The following SHANK2 variants were observed in gnomAD, a reference collection of about 807,000 sequenced individuals.
SHANK2 encodes SH3 and multiple ankyrin repeat domains protein 2.
In SHANK2, 43 loss-of-function variants were observed where a neutral mutation model predicts 133.7. That is an observed-to-expected ratio of 0.32 (90% CI 0.25 to 0.41). SHANK2 has a LOEUF of 0.41. SHANK2 is among the 10% of genes least tolerant of loss of function. The probability of loss-of-function intolerance (pLI) is 1.00; values close to 1 mark genes in which losing one functional copy is unlikely to be tolerated. For synonymous variants in SHANK2, 1,017 were observed against 952.8 expected (o/e 1.07, Z -1.24); for missense variants, 1,994 against 2,235.8 (o/e 0.89, Z 2.18).
At chr11:70,832,594 G>A (rs576415042) in intron 11 of SHANK2, among the ~76,000 whole-genome samples, 23 of 152,328 alleles carry the variant, frequency 1.5e-4, no homozygotes, top group African/African-American at 5.5e-4. Flanking sequence ...TAACAGAGGG[G>A]GTGAGTCCTA....
At chr11:70,926,047 T>G (rs1590840205) in intron 10 of SHANK2, among the ~76,000 whole-genome samples, 1 of 151,926 alleles carries the variant, frequency 6.6e-6, no homozygotes, top group African/African-American at 2.4e-5. Context: ...TTGAGGCAGG[T>G]GGATTGCTTG....
intron 11 of SHANK2, among the ~76,000 whole-genome samples, chr11:70,836,441 C>T (rs937962600): frequency 1.3e-5 from 2 of 152,202 alleles, no homozygotes; most frequent in Non-Finnish European, 2.9e-5. Context: ...TGCAAGTCAA[C>T]GTTTACAAAG....
At chr11:71,251,748 G>A (rs113761288) in intron 1 of SHANK2, among the ~76,000 whole-genome samples, 48,697 of 150,502 alleles carry the variant, frequency 0.32, 8,046 homozygotes, top group East Asian at 0.44. Flanking sequence ...CGCGACCCCC[G>A]GGACCTGGGC....
At chr11:71,199,706 G>C (rs112008846) in intron 2 of SHANK2, among the ~76,000 whole-genome samples, 1 of 152,174 alleles carries the variant, frequency 6.6e-6, no homozygotes, top group Non-Finnish European at 1.5e-5. Flanking sequence ...GTCAGGAACC[G>C]TGGAAGGAAA....
chr11:70,809,987 G>A (rs577348045), intron 12 of SHANK2, among the ~76,000 whole-genome samples: 9 of 152,310 alleles, frequency 5.9e-5, no homozygotes, highest in African/African-American at 1.4e-4. Context: ...GGAGCCCACC[G>A]GGCACGGTGT....
intron 17 of SHANK2, among the ~76,000 whole-genome samples, chr11:70,580,356 G>C (rs2060167999): frequency 1.3e-5 from 2 of 152,236 alleles, no homozygotes; most frequent in Non-Finnish European, 2.9e-5. Context: ...AATGGCCCCA[G>C]TGTCCAGGGG....
At chr11:70,878,405 A>T (rs1456859961) in intron 11 of SHANK2, among the ~76,000 whole-genome samples, 3 of 152,234 alleles carry the variant, frequency 2.0e-5, no homozygotes, top group Non-Finnish European at 4.4e-5. Flanking sequence ...CATACAGGGC[A>T]TCATCACACG....
chr11:70,817,745 C>G (rs1157840471), intron 12 of SHANK2, among the ~76,000 whole-genome samples: 1 of 152,130 alleles, frequency 6.6e-6, no homozygotes, highest in African/African-American at 2.4e-5. Context: ...TTTCTGGGAC[C>G]CTTTTTTGAG....
intron 3 of SHANK2, among the ~76,000 whole-genome samples, chr11:71,127,168 A>C (rs1435759254): frequency 6.6e-6 from 1 of 152,210 alleles, no homozygotes; most frequent in Non-Finnish European, 1.5e-5. Context: ...AGTGGGGCTG[A>C]CGATGGGACT....
chr11:70,476,106 G>A (rs1042404182), intron 25 of SHANK2, among the ~76,000 whole-genome samples: 4 of 152,036 alleles, frequency 2.6e-5, no homozygotes, highest in Admixed American at 2.0e-4. Flanking sequence ...GTGGGCGCCT[G>A]TAATCCCAGC....
chr11:71,061,642 C>A (rs1326767920), intron 9 of SHANK2, among the ~76,000 whole-genome samples: 4 of 152,202 alleles, frequency 2.6e-5, no homozygotes, highest in African/African-American at 9.6e-5. Context: ...CCCTGATCCC[C>A]AGGAGAGGGG....
chr11:70,550,855 G>A (rs1261384007), intron 17 of SHANK2, among the ~76,000 whole-genome samples: 1 of 152,210 alleles, frequency 6.6e-6, no homozygotes, highest in Non-Finnish European at 1.5e-5. Context: ...CAGCCTCAGG[G>A]CCTCCATGGA....
chr11:71,154,109 C>T (rs1473480751), intron 2 of SHANK2, among the ~76,000 whole-genome samples: 3 of 152,244 alleles, frequency 2.0e-5, no homozygotes, highest in South Asian at 2.1e-4. Context: ...ACATGGAAAC[C>T]GAGATTTTGT....
intron 10 of SHANK2, among the ~76,000 whole-genome samples, chr11:70,920,059 G>A (rs943987641): frequency 6.6e-5 from 10 of 152,156 alleles, no homozygotes; most frequent in Non-Finnish European, 1.5e-4. Context: ...TAACATCTCT[G>A]AGCCTCAGTG....
At chr11:70,844,249 A>C (rs1391211750) in intron 11 of SHANK2, among the ~76,000 whole-genome samples, 1 of 152,182 alleles carries the variant, frequency 6.6e-6, no homozygotes, top group Non-Finnish European at 1.5e-5. Context: ...AATCTAATGA[A>C]TGCCCCATTT....
intron 17 of SHANK2, among the ~76,000 whole-genome samples, chr11:70,526,768 C>A (rs1216707822): frequency 6.6e-6 from 1 of 152,096 alleles, no homozygotes; most frequent in Non-Finnish European, 1.5e-5. Context: ...ACTCCTCCCC[C>A]TCCCCTACTC....
At position 70,626,299 on chromosome 11, in the gene SHANK2, A is replaced by T. The variant is rs115291686; in HGVS notation, c.2061+33529T>A. Among the ~76,000 whole-genome samples, 515 of 152,312 alleles carry T rather than the reference A, an allele frequency of 3.4e-3. 1 individual carries two copies. Among genetic ancestry groups the T allele is most frequent in the African/African-American group, 0.012 (481 of 41,562 alleles). ...ACTTAGCATGCACTCTATATTTAGGAACGGTTATGAAACAAACATATCACC... is the reference window on the plus strand; with the variant it reads ...ACTTAGCATGCACTCTATATTTAGGTACGGTTATGAAACAAACATATCACC... On this transcript the variant is annotated intron_variant, in intron 17 of 25. Coordinates refer to ENST00000601538, the MANE Select transcript of SHANK2 (RefSeq NM_012309.5).
chr11:70,627,990 C>T lies in SHANK2; in HGVS notation c.2061+31838G>A, dbSNP rs374457253. On this transcript the variant is annotated intron_variant, in intron 17 of 25. Coordinates refer to ENST00000601538, the MANE Select transcript of SHANK2 (RefSeq NM_012309.5). ...TTTGTTTTTTTTTGAAACAGAGTCT[C>T]GCTCTGTCGCCCAGGCTGGAGTGCA... Among the ~76,000 whole-genome samples the T allele has an allele frequency of 4.3e-4, 66 of 152,200 alleles. 1 individual carries two copies. The highest frequency in any genetic ancestry group is 1.2e-3 in the African/African-American group (49 of 41,538).
intron 14 of SHANK2, among the ~76,000 whole-genome samples, chr11:70,729,449 C>G (rs77461514): frequency 0.085 from 12,854 of 151,742 alleles, 561 homozygotes; most frequent in Middle Eastern, 0.13. Context: ...TAAAAGTATT[C>G]TGGAGTGAGC....
Sources: allele counts gnomAD v4.1 joint callset (sites outside exome capture counted in the v4.1 genomes callset), GRCh38; gene constraint gnomAD v4.1.1; transcripts MANE v1.5; gene names NCBI Gene and HGNC (gene_info 2026-07-23, HGNC 2026-07-21).